ANKS1B: variants seen among roughly 807,000 people sequenced by gnomAD.
ANKS1B encodes ankyrin repeat and sterile alpha motif domain-containing protein 1B.
ANKS1B carries 36 observed loss-of-function variants against 148.3 expected under a neutral mutation model. The ratio of observed to expected loss-of-function variants is 0.24; its 90% confidence interval spans 0.19 to 0.32. ANKS1B has a LOEUF of 0.32. ANKS1B is among the 10% of genes least tolerant of loss of function. ANKS1B has a pLI of 1.00. For synonymous variants in ANKS1B, 542 were observed against 560.8 expected (o/e 0.97, Z 0.47); for missense variants, 1,157 against 1,542.6 (o/e 0.75, Z 4.19).
intron 25 of ANKS1B, 122 bp downstream of exon 25, chr12:98,772,920 G>T: frequency 9.4e-7 from 1 of 1,068,368 alleles, no homozygotes; most frequent in Non-Finnish European, 1.3e-6. Context: ...AATACACTTG[G>T]TATGTATCTT....
intron 17 of ANKS1B, among the ~76,000 whole-genome samples, chr12:98,855,106 C>T (rs976914060): frequency 2.0e-5 from 3 of 148,902 alleles, no homozygotes; most frequent in African/African-American, 7.5e-5. Context: ...TTGCAGTGAG[C>T]TGAGATTGCG....
At chr12:99,292,225 G>T (rs988648853) in intron 12 of ANKS1B, among the ~76,000 whole-genome samples, 1 of 151,882 alleles carries the variant, frequency 6.6e-6, no homozygotes, top group Middle Eastern at 3.2e-3. Context: ...GGGCATGGTG[G>T]CTCACGCCTG....
At chr12:99,249,777 C>T (rs971401354) in intron 12 of ANKS1B, among the ~76,000 whole-genome samples, 2 of 152,176 alleles carry the variant, frequency 1.3e-5, no homozygotes, top group African/African-American at 2.4e-5. Context: ...CTCAATCAGA[C>T]TGCAGCAAAT....
intron 17 of ANKS1B, among the ~76,000 whole-genome samples, chr12:98,929,080 C>T (rs1356621512): frequency 2.0e-5 from 3 of 151,228 alleles, no homozygotes; most frequent in Admixed American, 2.0e-4. Context: ...ACAAGTTCAG[C>T]GAGGTTTCCT....
rs1231083983 is a variant in ANKS1B, at chr12:99,821,989, G to A, written c.215+3320C>T. Among the ~76,000 whole-genome samples, 5 of 151,972 alleles carry A rather than the reference G, an allele frequency of 3.3e-5. No homozygotes were observed. The East Asian group carries it at 9.6e-4, about 29-fold the overall frequency. The stretch of plus-strand genomic sequence containing the variant: ...AGATGATATAAGACAATATAGAATA[G>A]GAACTGAATAAAAATAAATACAATT... On this transcript the variant is annotated intron_variant, in intron 2 of 26. Coordinates refer to ENST00000683438, the MANE Select transcript of ANKS1B (RefSeq NM_001352186.2).
At chr12:99,351,763 G>A (rs750976064) in intron 12 of ANKS1B, among the ~76,000 whole-genome samples, 1 of 152,020 alleles carries the variant, frequency 6.6e-6, no homozygotes, top group Non-Finnish European at 1.5e-5. Context: ...AATTAGACCA[G>A]TTCTTACATT....
chr12:98,809,876 C>T (rs753963970), intron 19 of ANKS1B, among the ~76,000 whole-genome samples: 10 of 152,018 alleles, frequency 6.6e-5, no homozygotes, highest in Non-Finnish European at 1.2e-4. Context: ...AACAACTGAT[C>T]GGAATTAATG....
intron 10 of ANKS1B, among the ~76,000 whole-genome samples, chr12:99,471,647 T>TGC (rs1161689583): frequency 7.2e-6 from 1 of 139,164 alleles, no homozygotes; most frequent in South Asian, 2.3e-4. Flanking sequence ...CACATATGCG[T>TGC]GCACACACAC....
chr12:99,618,963 G>C (rs181325955), intron 9 of ANKS1B, among the ~76,000 whole-genome samples: 1 of 152,084 alleles, frequency 6.6e-6, no homozygotes, highest in Non-Finnish European at 1.5e-5. Context: ...ACTCTACCCT[G>C]TCACAACCCT....
intron 14 of ANKS1B, among the ~76,000 whole-genome samples, chr12:99,217,373 G>A (rs1350015171): frequency 6.6e-6 from 1 of 151,612 alleles, no homozygotes; most frequent in African/African-American, 2.4e-5. Context: ...CCTCCTCCCT[G>A]GTGAATGGTG....
intron 14 of ANKS1B, among the ~76,000 whole-genome samples, chr12:99,198,045 C>T (rs1438424798): frequency 6.6e-6 from 1 of 152,128 alleles, no homozygotes; most frequent in African/African-American, 2.4e-5. Flanking sequence ...ACTTGGTGAA[C>T]TCCCTACCCT....
intron 9 of ANKS1B, among the ~76,000 whole-genome samples, chr12:99,576,276 C>G (rs181742895): frequency 2.7e-4 from 41 of 152,126 alleles, no homozygotes; most frequent in Admixed American, 1.6e-3. Context: ...TACAATGATA[C>G]TTAGATAACC....
chr12:99,427,321 C>A (rs1293362807), intron 11 of ANKS1B, among the ~76,000 whole-genome samples: 1 of 152,204 alleles, frequency 6.6e-6, no homozygotes, highest in East Asian at 1.9e-4. Context: ...ACTTTGCCCT[C>A]ACACTGAGCT....
intron 1 of ANKS1B, among the ~76,000 whole-genome samples, chr12:99,967,393 A>T (rs955799978): frequency 5.3e-5 from 8 of 151,976 alleles, no homozygotes; most frequent in African/African-American, 1.9e-4. Flanking sequence ...CTGCATTCAA[A>T]CTCAAGACTC....
intron 1 of ANKS1B, among the ~76,000 whole-genome samples, chr12:99,870,213 A>G (rs1172372917): frequency 6.6e-6 from 1 of 152,182 alleles, no homozygotes; most frequent in Non-Finnish European, 1.5e-5. Flanking sequence ...CTGCTCCTGC[A>G]TTAATTCACT....
intron 9 of ANKS1B, among the ~76,000 whole-genome samples, chr12:99,592,079 C>T (rs2097708501): frequency 6.6e-6 from 1 of 152,080 alleles, no homozygotes; most frequent in Admixed American, 6.6e-5. Context: ...TGAATAAGTA[C>T]AGCATGCTAT....
At chr12:99,430,417 G>A (rs1325788214) in intron 11 of ANKS1B, among the ~76,000 whole-genome samples, 1 of 152,178 alleles carries the variant, frequency 6.6e-6, no homozygotes, top group Non-Finnish European at 1.5e-5. Context: ...CAGATTTTTG[G>A]AGAAAGATGA....
chr12:99,524,768 A>C (rs2096910083), intron 9 of ANKS1B, among the ~76,000 whole-genome samples: 1 of 152,040 alleles, frequency 6.6e-6, no homozygotes, highest in Admixed American at 6.5e-5. Context: ...AAAAGGGGAA[A>C]CCCCTTATAA....
At chr12:99,785,258 C>CATGT (rs2064885094) in intron 4 of ANKS1B, among the ~76,000 whole-genome samples, 1 of 137,402 alleles carries the variant, frequency 7.3e-6, no homozygotes, top group Admixed American at 7.4e-5. Flanking sequence ...ATCAGTAGGT[C>CATGT]GTGTGTGTGT....
Sources: gnomAD v4.1 joint callset for allele counts (sites outside exome capture counted in the v4.1 genomes callset) on GRCh38, gnomAD v4.1.1 for gene constraint, MANE v1.5 for transcripts, NCBI Gene and HGNC (gene_info 2026-07-23, HGNC 2026-07-21) for gene names.